NSD3: variants seen among roughly 807,000 people sequenced by gnomAD.
NSD3 encodes nuclear receptor binding SET domain protein 3.
Under a neutral mutation model 160.8 loss-of-function variants are expected in NSD3, and 24 were observed. The ratio of observed to expected loss-of-function variants is 0.15; its 90% CI spans 0.11 to 0.21. The LOEUF (loss-of-function observed/expected upper bound fraction) is 0.21, where lower values mean the gene tolerates loss of function less well. Among genes scored for constraint, NSD3 ranks in the 10% least tolerant of loss-of-function variants. The pLI is 1.00. For synonymous variants in NSD3, 520 were observed against 600.0 expected, an observed-to-expected ratio of 0.87 and a Z score of 1.95; for missense variants, 1,157 against 1,735.9, an observed-to-expected ratio of 0.67 and a Z score of 5.93.
intron 19 of NSD3, among the ~76,000 whole-genome samples, chr8:38,283,758 C>T (rs920173908): frequency 5.3e-5 from 8 of 152,084 alleles, no homozygotes; most frequent in African/African-American, 1.9e-4. Context: ...TGACCACTGG[C>T]TTTTTCTCTC....
chr8:38,341,772 C>T (rs771774210), intron 2 of NSD3, among the ~76,000 whole-genome samples: 3 of 151,556 alleles, frequency 2.0e-5, no homozygotes, highest in Admixed American at 6.6e-5. Context: ...GGCAACATGG[C>T]GAGACCCCAT....
chr8:38,279,841 C>T, intron 20 of NSD3, 160 bp from the exon 21 acceptor site: 2 of 710,184 alleles, frequency 2.8e-6, no homozygotes, highest in Non-Finnish European at 2.2e-6. Context: ...TTACTAAGTT[C>T]TCTCCTTTAT....
chr8:38,345,191 G>A (rs1447457467), intron 2 of NSD3, among the ~76,000 whole-genome samples: 2 of 151,250 alleles, frequency 1.3e-5, no homozygotes, highest in Non-Finnish European at 2.9e-5. Context: ...TTGAAGGAAG[G>A]GAAGAAAGAA....
chr8:38,279,439 A>G lies in NSD3; in HGVS notation c.3760+101T>C, dbSNP rs3802321. 1,249 of 1,350,006 alleles carry G rather than the reference A, an allele frequency of 9.3e-4. 24 individuals carry two copies. In the East Asian group the frequency reaches 0.027, roughly 29 times the overall value. 83.6% of individuals were successfully genotyped at this position (1,350,006 alleles called of 1,614,324 possible). ...TAAATATAACCTTCCTCTTATTTAA[A>G]TAAGTTCTTGGGCATCAAGCCTTGA... On this transcript the variant is annotated intron_variant, in intron 21 of 23. Transcript: ENST00000317025.
chr8:38,336,369 A>G (rs1810216128), intron 4 of NSD3, among the ~76,000 whole-genome samples: 1 of 152,248 alleles, frequency 6.6e-6, no homozygotes, highest in Non-Finnish European at 1.5e-5. Flanking sequence ...GAAAAGGAGT[A>G]GAGAAAAGTT....
chr8:38,271,091 G>A lies in NSD3; in HGVS notation c.*4550C>T, dbSNP rs539928733. The stretch of plus-strand genomic sequence containing the variant: ...ACAAAATAAAGAATGTACATAAAAA[G>A]TATTTGTAAAAATGCTGGTATCTCA... On this transcript the variant is annotated 3_prime_UTR_variant, in exon 24 of 24. Transcript: ENST00000317025. The A allele has an allele frequency of 6.6e-6, 1 of 152,250 alleles. No individual in the cohort carries two copies. The highest frequency in any genetic ancestry group is 2.1e-4 in the South Asian group (1 of 4,830). 9.4% of individuals were successfully genotyped at this position (152,250 alleles called of 1,614,324 possible).
chr8:38,307,114 C>CAAAAAAAA (rs1194554014), intron 12 of NSD3, among the ~76,000 whole-genome samples: 2 of 64,180 alleles, frequency 3.1e-5, no homozygotes. Flanking sequence ...GATACCGTCT[C>CAAAAAAAA]AAAAAAAAAA....
chr8:38,330,443 A>T (rs985055592), intron 5 of NSD3, among the ~76,000 whole-genome samples: 3 of 152,302 alleles, frequency 2.0e-5, no homozygotes, highest in Admixed American at 2.0e-4. Flanking sequence ...CATGGATGAG[A>T]AAAAAGGTAG....
At chr8:38,342,586 T>G (rs1443855694) in intron 2 of NSD3, among the ~76,000 whole-genome samples, 6 of 152,056 alleles carry the variant, frequency 3.9e-5, no homozygotes, top group African/African-American at 1.4e-4. Context: ...TTTTTTTTTT[T>G]GAGACAGAGT....
intron 1 of NSD3, among the ~76,000 whole-genome samples, chr8:38,375,047 GCTTT>G (rs1811356024): frequency 6.6e-6 from 1 of 151,994 alleles, no homozygotes; most frequent in Non-Finnish European, 1.5e-5. Flanking sequence ...TAATTCTTGT[GCTTT>G]CTAACTTCAC....
At chr8:38,362,248 C>T (rs964420134) in intron 1 of NSD3, among the ~76,000 whole-genome samples, 12 of 8,190 alleles carry the variant, frequency 1.5e-3, no homozygotes, top group African/African-American at 7.3e-3. Flanking sequence ...TAGAGTATTA[C>T]AGTAAGGCGG....
chr8:38,311,368 C>T (rs558252582), intron 12 of NSD3, among the ~76,000 whole-genome samples: 1 of 152,238 alleles, frequency 6.6e-6, no homozygotes, highest in South Asian at 2.1e-4. Flanking sequence ...GCTCTTGTTG[C>T]CCAGGCTGGA....
At chr8:38,371,538 T>C (rs553266264) in intron 1 of NSD3, among the ~76,000 whole-genome samples, 4 of 152,296 alleles carry the variant, frequency 2.6e-5, no homozygotes, top group Non-Finnish European at 5.9e-5. Flanking sequence ...CTATCGCCCA[T>C]GCAGGGGAAA....
At chr8:38,367,708 T>C (rs141471977) in intron 1 of NSD3, among the ~76,000 whole-genome samples, 7,209 of 152,112 alleles carry the variant, frequency 0.047, 236 homozygotes, top group Non-Finnish European at 0.069. Context: ...TGAGACTCTG[T>C]CTCAAAAAAA....
At chr8:38,358,080 T>C (rs542529671) in intron 1 of NSD3, among the ~76,000 whole-genome samples, 20 of 152,224 alleles carry the variant, frequency 1.3e-4, no homozygotes, top group Non-Finnish European at 2.2e-4. Flanking sequence ...AAGAAACTCA[T>C]ATGTATATAT....
rs371952495 is a variant in NSD3 at position 38,315,504 on chromosome 8, G to T, written c.2027C>A (p.Ala676Glu). ...CTGCACATCAGAAACGTCTGCATCT[G>T]CAGTAGCTGAAGGGCTATCTACTTG... The part of the protein sequence containing the change: ...GKQVDSPSAT[A>E]DADVSDVQSM... The change falls in exon 11 of 24, where the codon GCA becomes GAA. Residue 676 changes from alanine to glutamate, a missense_variant. Transcript: ENST00000317025. 2.6e-5 allele frequency: 42 copies of T among 1,613,210 alleles called. No individual in the cohort carries two copies. Among genetic ancestry groups the T allele is most frequent in the Non-Finnish European group, 3.5e-5 (41 of 1,179,732 alleles).
chr8:38,290,858 CA>C (rs1808984637), intron 16 of NSD3, 181 bp from the exon 17 acceptor site: 1 of 544,160 alleles, frequency 1.8e-6, no homozygotes, highest in Non-Finnish European at 3.3e-6. Context: ...ACAGACTAAA[CA>C]AATTAGGCCC....
chr8:38,293,135 C>CAAAA (rs1005050554), intron 16 of NSD3, among the ~76,000 whole-genome samples: 1 of 68,492 alleles, frequency 1.5e-5, no homozygotes, highest in Non-Finnish European at 2.8e-5. Context: ...GACTTTGTCT[C>CAAAA]AAAAAAAAAA....
At chr8:38,345,190 G>A (rs1810482589) in intron 2 of NSD3, among the ~76,000 whole-genome samples, 1 of 151,322 alleles carries the variant, frequency 6.6e-6, no homozygotes, top group East Asian at 1.9e-4. Flanking sequence ...TTTGAAGGAA[G>A]GGAAGAAAGA....
Sources: allele counts gnomAD v4.1 joint callset (sites outside exome capture counted in the v4.1 genomes callset), GRCh38; gene constraint gnomAD v4.1.1; transcripts MANE v1.5; gene names NCBI Gene and HGNC (gene_info 2026-07-23, HGNC 2026-07-21).